TRAPPC6A: variants seen among roughly 807,000 people sequenced by gnomAD.
TRAPPC6A encodes trafficking protein particle complex subunit 6A.
A neutral mutation model predicts 20.8 loss-of-function variants in TRAPPC6A; 25 were observed. The observed-to-expected ratio is 1.20, with a 90% CI of 0.88 to 1.68. The LOEUF is 1.68. Ranked by LOEUF, TRAPPC6A falls within the 40% of genes most tolerant of loss-of-function variation. The pLI is 0.00. For synonymous variants in TRAPPC6A, 96 were observed against 93.3 expected (o/e 1.03, Z -0.16); for missense variants, 215 against 211.6 (o/e 1.02, Z -0.10).
At chr19:45,174,254 G>C (rs1356487838) in intron 1 of TRAPPC6A, among the ~76,000 whole-genome samples, 1 of 152,134 alleles carries the variant, frequency 6.6e-6, no homozygotes, top group Admixed American at 6.6e-5. Context: ...GAAATCAAGA[G>C]TGAGAAGCCA....
chr19:45,178,168 C>G lies in TRAPPC6A; in HGVS notation c.51G>C (p.Glu17Asp). Reference protein sequence around the residue: ...FEFLHTEMVAELWAHDPDPGP... With the variant: ...FEFLHTEMVADLWAHDPDPGP... ...CGGGGTCGGGGTCGTGAGCCCACAGCTCAGCCACCATCTCCGTGTGAAGAA... is the reference window on the plus strand; with the variant it reads ...CGGGGTCGGGGTCGTGAGCCCACAGGTCAGCCACCATCTCCGTGTGAAGAA... The change falls in exon 1 of 6, where the codon GAG becomes GAC. Residue 17 changes from glutamate to aspartate, a missense_variant. Glu to Asp is a conservative substitution (Grantham distance 45). Coordinates refer to ENST00000585934, the MANE Select transcript of TRAPPC6A (RefSeq NM_001270891.2). The G allele has an allele frequency of 6.2e-7, 1 of 1,612,934 alleles. No individual in the cohort carries two copies. Among genetic ancestry groups the G allele is most frequent in the South Asian group, 1.1e-5 (1 of 91,028 alleles).
At chr19:45,166,532 T>C (rs1283621613) in intron 1 of TRAPPC6A, among the ~76,000 whole-genome samples, 3 of 149,960 alleles carry the variant, frequency 2.0e-5, no homozygotes, top group Non-Finnish European at 4.4e-5. Context: ...TTTTTTTTTT[T>C]CATTCGGGTG....
chr19:45,167,475 A>G (rs1196137869), intron 1 of TRAPPC6A, among the ~76,000 whole-genome samples: 1 of 152,080 alleles, frequency 6.6e-6, no homozygotes, highest in African/African-American at 2.4e-5. Context: ...GCAGTGGCTC[A>G]CTCCTGTAAT....
chr19:45,169,835 C>G (rs1029431815), intron 1 of TRAPPC6A, among the ~76,000 whole-genome samples: 1 of 152,180 alleles, frequency 6.6e-6, no homozygotes, highest in African/African-American at 2.4e-5. Context: ...CTCCCAGAGG[C>G]AGGGCCAGGC....
rs1387682675 is a variant in TRAPPC6A at position 45,172,249 on chromosome 19, A to AGGGGAT, written c.84+5885_84+5886insATCCCC. 2.6e-5 allele frequency among the ~76,000 whole-genome samples: 4 copies of AGGGGAT among 151,772 alleles called. No homozygotes were observed. The highest frequency in any genetic ancestry group is 4.9e-5 in the African/African-American group (2 of 41,054). On this transcript the variant is annotated intron_variant, in intron 1 of 5. Coordinates refer to ENST00000585934, the MANE Select transcript of TRAPPC6A (RefSeq NM_001270891.2). This position sits in a 1 kb window ranked among gnomAD's most constrained non-coding sequence, Gnocchi z 4.2. ...CATCCCTGTCCTCAAGGAGCTCTGA[A>AGGGGAT]GCTGGTGGGAAAGGCGGCCTGTGCT...
In TRAPPC6A at chr19:45,162,982, GA is replaced by G. The variant is rs1568460999; in HGVS notation, c.*209del. 1 of 449,788 alleles carries G rather than the reference GA, an allele frequency of 2.2e-6. No homozygotes were observed. Among genetic ancestry groups the G allele is most frequent in the Non-Finnish European group, 3.9e-6 (1 of 255,568 alleles). 27.9% of individuals were successfully genotyped at this position (449,788 alleles called of 1,614,324 possible). On this transcript the variant is annotated 3_prime_UTR_variant, in exon 6 of 6. Coordinates refer to ENST00000585934, the MANE Select transcript of TRAPPC6A (RefSeq NM_001270891.2). ...GCAGCTACTGGGCAGTGACGCTGCC[GA>G]GGCGGGAATCCCACCACAGTCCTGA...
intron 2 of TRAPPC6A, 72 bp from the exon 3 acceptor site, chr19:45,165,042 G>C: frequency 6.2e-7 from 1 of 1,608,606 alleles, no homozygotes; most frequent in Non-Finnish European, 8.5e-7. Flanking sequence ...CCCGACTCCT[G>C]CATGGAGCAA....
At position 45,163,391 on chromosome 19, in the gene TRAPPC6A, G is replaced by C. The variant is rs1316449645; in HGVS notation, c.449-168C>G. On this transcript the variant is annotated intron_variant, in intron 5 of 5. Transcript: ENST00000585934. This position sits in a 1 kb window ranked among gnomAD's most constrained non-coding sequence, Gnocchi z 5.3. ...ATCCCTGAGCTGTGTGAGTAACCAG[G>C]AGCATGAGGGCCACGGATGTGGCCC... Among the ~76,000 whole-genome samples the C allele has an allele frequency of 6.6e-6, 1 of 152,176 alleles. No homozygotes were observed. The highest frequency in any genetic ancestry group is 1.5e-5 in the Non-Finnish European group (1 of 68,014).
Position 45,163,002 on chromosome 19 carries a change from GT to G in TRAPPC6A, c.*189del. ...CTGCCGAGGCGGGAATCCCACCACA[GT>G]CCTGACCGCAGCTGGGACCCCTTTG... On this transcript the variant is annotated 3_prime_UTR_variant, in exon 6 of 6. Coordinates refer to ENST00000585934, the MANE Select transcript of TRAPPC6A (RefSeq NM_001270891.2). This position sits in a 1 kb window ranked among gnomAD's most constrained non-coding sequence, Gnocchi z 5.3. 1 of 581,770 alleles carries G rather than the reference GT, an allele frequency of 1.7e-6. No individual in the cohort carries two copies. Among genetic ancestry groups the G allele is most frequent in the Non-Finnish European group, 3.0e-6 (1 of 337,692 alleles). 36.0% of individuals were successfully genotyped at this position (581,770 alleles called of 1,614,324 possible).
At chr19:45,167,876 G>A (rs1422561397) in intron 1 of TRAPPC6A, among the ~76,000 whole-genome samples, 4 of 152,184 alleles carry the variant, frequency 2.6e-5, no homozygotes, top group Non-Finnish European at 2.9e-5. Context: ...GCATGCACCC[G>A]TGTCCCAGCT....
In TRAPPC6A at chr19:45,163,012, C is replaced by T; in HGVS notation, c.*180G>A. 3.2e-6 allele frequency: 2 copies of T among 629,878 alleles called. No homozygotes were observed. The highest frequency in any genetic ancestry group is 2.0e-5 in the South Asian group (1 of 49,520). 39.0% of individuals were successfully genotyped at this position (629,878 alleles called of 1,614,324 possible). ...GGGAATCCCACCACAGTCCTGACCG[C>T]AGCTGGGACCCCTTTGCCTCCTCTG... On this transcript the variant is annotated 3_prime_UTR_variant, in exon 6 of 6. Coordinates refer to ENST00000585934, the MANE Select transcript of TRAPPC6A (RefSeq NM_001270891.2). The surrounding 1 kb of genome is among the most constrained non-coding windows in gnomAD (Gnocchi z 5.3).
At chr19:45,167,459 C>A (rs1415609261) in intron 1 of TRAPPC6A, among the ~76,000 whole-genome samples, 1 of 152,158 alleles carries the variant, frequency 6.6e-6, no homozygotes, top group Non-Finnish European at 1.5e-5. Context: ...AAAGATTAGG[C>A]CGGGCGCAGT....
At position 45,163,074 on chromosome 19, in the gene TRAPPC6A, A is replaced by C; in HGVS notation, c.*118T>G. On this transcript the variant is annotated 3_prime_UTR_variant, in exon 6 of 6. Transcript: ENST00000585934. The surrounding 1 kb of genome is among the most constrained non-coding windows in gnomAD (Gnocchi z 5.3). ...TCAATTTGATACCCACTTCCTGAGC[A>C]AATGTGACCCCTAGGGCCTGGGATT... is the stretch of plus-strand genomic sequence containing the variant. 8.1e-7 allele frequency: 1 copy of C among 1,233,252 alleles called. No individual in the cohort carries two copies. The highest frequency in any genetic ancestry group is 1.3e-5 in the South Asian group (1 of 74,816). 76.4% of individuals were successfully genotyped at this position (1,233,252 alleles called of 1,614,324 possible).
At chr19:45,168,034 G>T (rs1177767652) in intron 1 of TRAPPC6A, among the ~76,000 whole-genome samples, 1 of 115,672 alleles carries the variant, frequency 8.6e-6, no homozygotes, top group African/African-American at 3.4e-5. Flanking sequence ...ACAGAGTCTC[G>T]CCCTGTCGCC....
Position 45,178,009 on chromosome 19 carries a change from C to T in TRAPPC6A, c.84+126G>A. ...CACTTTCCAAAGGAGGAAGCCAGGGCCAGACGTTGCCCTGCAAGGCCGGGG... is the reference window on the plus strand; with the variant it reads ...CACTTTCCAAAGGAGGAAGCCAGGGTCAGACGTTGCCCTGCAAGGCCGGGG... On this transcript the variant is annotated intron_variant, in intron 1 of 5. Coordinates refer to ENST00000585934, the MANE Select transcript of TRAPPC6A (RefSeq NM_001270891.2). The T allele has an allele frequency of 2.0e-6, 3 of 1,520,854 alleles. No homozygotes were observed. In the South Asian group the frequency reaches 3.6e-5, roughly 18 times the overall value. 94.2% of individuals were successfully genotyped at this position (1,520,854 alleles called of 1,614,324 possible).
At chr19:45,170,842 G>A (rs1052150861) in intron 1 of TRAPPC6A, among the ~76,000 whole-genome samples, 1 of 152,214 alleles carries the variant, frequency 6.6e-6, no homozygotes, top group Admixed American at 6.5e-5. Context: ...AAAGGGCTGT[G>A]GGGAATCACA....
At chr19:45,165,322 GAGGGGCTCTGGCACAGCCCGGCCAGGGC>G (rs1969128831) in intron 1 of TRAPPC6A, 128 bp from the exon 2 acceptor site, 14 of 907,090 alleles carry the variant, frequency 1.5e-5, no homozygotes, top group Middle Eastern at 4.6e-4. Flanking sequence ...GGTGAGCAGG[GAGGGGCTCTGGCACAGCCCGGCCAGGGC>G]AGGGGCAGGC....
intron 1 of TRAPPC6A, among the ~76,000 whole-genome samples, chr19:45,176,347 C>T (rs928097266): frequency 2.0e-5 from 3 of 151,840 alleles, no homozygotes; most frequent in Non-Finnish European, 4.4e-5. Context: ...ACCTGTAGTC[C>T]CAACTACTCA....
At chr19:45,175,871 C>T (rs1203196202) in intron 1 of TRAPPC6A, among the ~76,000 whole-genome samples, 3 of 152,120 alleles carry the variant, frequency 2.0e-5, no homozygotes, top group African/African-American at 2.4e-5. Context: ...CTCCCTGGGC[C>T]ATGCTGTATC....
Sources: allele counts gnomAD v4.1 joint callset (sites outside exome capture counted in the v4.1 genomes callset), GRCh38; gene constraint gnomAD v4.1.1; non-coding constraint Gnocchi (gnomAD v3.1); transcripts MANE v1.5; gene names NCBI Gene and HGNC (gene_info 2026-07-23, HGNC 2026-07-21).